The following RAD51B variants were observed in gnomAD, a reference collection of about 807,000 sequenced individuals.
RAD51B encodes DNA repair protein RAD51 homolog 2.
RAD51B carries 38 observed loss-of-function variants against 42.2 expected under a neutral mutation model. The ratio of observed to expected loss-of-function variants is 0.90; its 90% CI spans 0.70 to 1.18. RAD51B has a LOEUF of 1.18. RAD51B is among the 50% of genes most tolerant of loss of function. The pLI is 0.00. For synonymous variants in RAD51B, 154 were observed against 145.2 expected, an observed-to-expected ratio of 1.06 and a Z score of -0.43; for missense variants, 373 against 400.7, an observed-to-expected ratio of 0.93 and a Z score of 0.59.
intron 10 of RAD51B, among the ~76,000 whole-genome samples, chr14:68,649,102 G>A (rs1892646057): frequency 6.6e-6 from 1 of 152,086 alleles, no homozygotes; most frequent in Admixed American, 6.6e-5. Context: ...AGTCCTCTGG[G>A]GAAAAGTTAC....
chr14:68,306,702 C>A, intron 8 of RAD51B: 1 of 493,668 alleles, frequency 2.0e-6, no homozygotes, highest in South Asian at 1.5e-5. Flanking sequence ...TTGGAAAACT[C>A]GTTGAAAACA....
intron 7 of RAD51B, among the ~76,000 whole-genome samples, chr14:68,064,342 A>G (rs2076615912): frequency 2.0e-5 from 3 of 152,178 alleles, no homozygotes; most frequent in Admixed American, 6.5e-5. Flanking sequence ...ATTCCCTAAT[A>G]TGTGACCTGA....
chr14:68,093,342 G>T (rs927316674), intron 7 of RAD51B, among the ~76,000 whole-genome samples: 1 of 152,122 alleles, frequency 6.6e-6, no homozygotes, highest in African/African-American at 2.4e-5. Flanking sequence ...GACTCTTTTT[G>T]GTTGGTAAGC....
chr14:68,161,595 C>T (rs913060246), intron 7 of RAD51B, among the ~76,000 whole-genome samples: 1 of 152,162 alleles, frequency 6.6e-6, no homozygotes, highest in Non-Finnish European at 1.5e-5. Flanking sequence ...TCTTTTCCCC[C>T]CAAAAGGGAT....
At chr14:67,964,250 A>G (rs1186161788) in intron 7 of RAD51B, among the ~76,000 whole-genome samples, 5 of 152,180 alleles carry the variant, frequency 3.3e-5, no homozygotes, top group Non-Finnish European at 4.4e-5. Context: ...TTGAACTCCT[A>G]GAGTTAGAAA....
Position 68,283,881 on chromosome 14 carries a change from T to C in RAD51B, c.757-8003T>C, listed in dbSNP as rs530234891. Among the ~76,000 whole-genome samples the C allele has an allele frequency of 2.6e-5, 4 of 152,372 alleles. 1 individual carries two copies. The South Asian group carries it at 8.3e-4, about 32-fold the overall frequency. ...GCCTTAGGGAGCCACATGGTTATCT[T>C]GTGTGTTTACTTTTGCCAAATGGCA... On this transcript the variant is annotated intron_variant, in intron 7 of 10. Coordinates refer to ENST00000471583, the MANE Select transcript of RAD51B (RefSeq NM_133510.4).
chr14:68,283,450 G>A lies in RAD51B; in HGVS notation c.757-8434G>A, dbSNP rs550788933. ...GACCATTGGCCTTGTTCTCTTCCAG[G>A]TTCTAGCTGGCCAGAGACTTTTTTG... On this transcript the variant is annotated intron_variant, in intron 7 of 10. Transcript: ENST00000471583. Among the ~76,000 whole-genome samples, 6 of 152,286 alleles carry A rather than the reference G, an allele frequency of 3.9e-5. No homozygotes were observed. In the East Asian group the frequency reaches 1.2e-3, roughly 29 times the overall value.
chr14:68,205,819 A>G (rs1435924435), intron 7 of RAD51B, among the ~76,000 whole-genome samples: 1 of 152,106 alleles, frequency 6.6e-6, no homozygotes, highest in Non-Finnish European at 1.5e-5. Context: ...TCATGATTCT[A>G]TACCCCCAAA....
chr14:68,401,555 G>A (rs544604016), intron 8 of RAD51B, among the ~76,000 whole-genome samples: 5 of 152,206 alleles, frequency 3.3e-5, no homozygotes, highest in South Asian at 2.1e-4. Flanking sequence ...TCTCAGTAAC[G>A]AGTTTGCTGA....
At chr14:68,443,874 A>T (rs1176362012) in intron 9 of RAD51B, among the ~76,000 whole-genome samples, 2 of 152,150 alleles carry the variant, frequency 1.3e-5, no homozygotes, top group Non-Finnish European at 2.9e-5. Flanking sequence ...TGCTTTCAAG[A>T]ATAAAAGCTT....
At chr14:67,910,141 A>G (rs2043919901) in intron 7 of RAD51B, among the ~76,000 whole-genome samples, 1 of 152,148 alleles carries the variant, frequency 6.6e-6, no homozygotes, top group Non-Finnish European at 1.5e-5. Context: ...TTCAAATTGT[A>G]TGTAGGCCAA....
intron 9 of RAD51B, among the ~76,000 whole-genome samples, chr14:68,462,122 A>G (rs867840151): frequency 6.6e-6 from 1 of 152,242 alleles, no homozygotes; most frequent in Non-Finnish European, 1.5e-5. Context: ...AAACTGAGGT[A>G]GAAACAGGTA....
chr14:68,120,632 G>C (rs1215377675), intron 7 of RAD51B, among the ~76,000 whole-genome samples: 1 of 152,090 alleles, frequency 6.6e-6, no homozygotes, highest in African/African-American at 2.4e-5. Flanking sequence ...CTGCTTCAAG[G>C]TGGGTTTTTT....
intron 7 of RAD51B, among the ~76,000 whole-genome samples, chr14:67,910,338 G>A (rs1399334899): frequency 5.2e-5 from 4 of 76,946 alleles, no homozygotes; most frequent in African/African-American, 3.3e-4. Flanking sequence ...CCCAGGAGGC[G>A]GAGCTTGCAG....
At chr14:68,529,784 TA>T (rs1887158841) in intron 10 of RAD51B, among the ~76,000 whole-genome samples, 1 of 152,256 alleles carries the variant, frequency 6.6e-6, no homozygotes, top group African/African-American at 2.4e-5. Context: ...ATTTGTTATC[TA>T]ATCTTGTCCA....
chr14:68,602,663 G>A lies in RAD51B; in HGVS notation c.1037-8343G>A, dbSNP rs534919944. ...TCTGACCTCAGTCTCTTCTCTTAAG[G>A]CCTTTGACTGATTGGACAAGGCCCA... On this transcript the variant is annotated intron_variant, in intron 10 of 10. Transcript: ENST00000487861. Among the ~76,000 whole-genome samples the A allele has an allele frequency of 1.8e-3, 275 of 152,294 alleles. 2 individuals are homozygous for A. Among genetic ancestry groups the A allele is most frequent in the African/African-American group, 6.3e-3 (260 of 41,554 alleles).
chr14:68,621,868 T>A (rs1289523442), intron 10 of RAD51B, among the ~76,000 whole-genome samples: 2 of 152,180 alleles, frequency 1.3e-5, no homozygotes, highest in African/African-American at 4.8e-5. Flanking sequence ...ACAATGAGTG[T>A]AATTGAACCC....
chr14:68,207,110 G>T (rs1426487098), intron 7 of RAD51B, among the ~76,000 whole-genome samples: 1 of 152,022 alleles, frequency 6.6e-6, no homozygotes. Context: ...TTTTCTGGTG[G>T]AAATAGTGTT....
In RAD51B at chr14:68,229,279, G is replaced by A. The variant is rs140449602; in HGVS notation, c.757-62605G>A. Among the ~76,000 whole-genome samples, 3 of 152,268 alleles carry A rather than the reference G, an allele frequency of 2.0e-5. No individual in the cohort carries two copies. The East Asian group carries it at 5.8e-4, about 29-fold the overall frequency. ...TGGTCAAGCTAACATGTTTTTGATA[G>A]CCAAGAGTTGGAAAACCTGGTCACT... On this transcript the variant is annotated intron_variant, in intron 7 of 10. Coordinates refer to ENST00000471583, the MANE Select transcript of RAD51B (RefSeq NM_133510.4).
Sources: gnomAD v4.1 joint callset for allele counts (sites outside exome capture counted in the v4.1 genomes callset) on GRCh38, gnomAD v4.1.1 for gene constraint, MANE v1.5 for transcripts, NCBI Gene and HGNC (gene_info 2026-07-23, HGNC 2026-07-21) for gene names.